Variants in SPACA3 observed in about 807,000 individuals in gnomAD.
The protein encoded by SPACA3 is sperm acrosome associated 3.
Under a neutral mutation model 24.5 loss-of-function variants are expected in SPACA3, and 21 were observed. The observed-to-expected ratio is 0.86, with a 90% CI of 0.61 to 1.24. The LOEUF (loss-of-function observed/expected upper bound fraction) is 1.24, where lower values mean the gene tolerates loss of function less well. Ranked by LOEUF, SPACA3 falls within the 50% of genes most tolerant of loss-of-function variation. The pLI, the probability that SPACA3 is intolerant of heterozygous loss-of-function variation, is 0.00. For missense variants in SPACA3, 278 were observed against 275.5 expected (o/e 1.01, Z -0.06); for synonymous variants, 115 against 106.9 (o/e 1.08, Z -0.47).
chr17:32,992,025 TC>T lies in SPACA3; in HGVS notation c.34+54del, dbSNP rs2091692845. The T allele has an allele frequency of 1.9e-6, 3 of 1,602,214 alleles. No homozygotes were observed. In the East Asian group the frequency reaches 6.7e-5, roughly 36 times the overall value. On this transcript the variant is annotated intron_variant, in intron 1 of 4. Coordinates refer to ENST00000269053, the MANE Select transcript of SPACA3 (RefSeq NM_173847.5). ...GCTGTTAACAGGGGCGCTGGGTTGGTCTGGCCAGAGACCAGGTGGAGAAAAA... is the reference window on the plus strand; with the variant it reads ...GCTGTTAACAGGGGCGCTGGGTTGGTTGGCCAGAGACCAGGTGGAGAAAAA...
chr17:32,993,601 G>A (rs2091704488), intron 1 of SPACA3, among the ~76,000 whole-genome samples: 1 of 152,110 alleles, frequency 6.6e-6, no homozygotes, highest in Non-Finnish European at 1.5e-5. Flanking sequence ...AGTCGAAGGG[G>A]GCCTCCTTGG....
At chr17:32,996,718 G>T in intron 2 of SPACA3, 125 bp from the exon 3 acceptor site, 1 of 1,127,498 alleles carries the variant, frequency 8.9e-7, no homozygotes, top group East Asian at 3.0e-5. Flanking sequence ...GGAGGCACCT[G>T]CCCCAATCAC....
Position 32,997,431 on chromosome 17 carries a change from G to T in SPACA3, c.503-14G>T, listed in dbSNP as rs1598225247. On this transcript the variant is annotated splice_polypyrimidine_tract_variant and intron_variant, in intron 3 of 4. Coordinates refer to ENST00000269053, the MANE Select transcript of SPACA3 (RefSeq NM_173847.5). Reference sequence around the variant, plus strand: ...TCCTGTTCTCTCATTGTGTTTCTCTGCCTATCACCCCAGATTTGTTGAATC... The same window carrying T: ...TCCTGTTCTCTCATTGTGTTTCTCTTCCTATCACCCCAGATTTGTTGAATC... 1 of 1,611,586 alleles carries T rather than the reference G, an allele frequency of 6.2e-7. No homozygotes were observed. The highest frequency in any genetic ancestry group is 8.5e-7 in the Non-Finnish European group (1 of 1,178,570).
chr17:32,997,199 T>G (rs2091727415), intron 3 of SPACA3, among the ~76,000 whole-genome samples, 198 bp downstream of exon 3: 1 of 152,124 alleles, frequency 6.6e-6, no homozygotes, highest in South Asian at 2.1e-4. Flanking sequence ...GATAGGAGAC[T>G]GCCTTAGGGC....
intron 1 of SPACA3, among the ~76,000 whole-genome samples, chr17:32,993,742 A>G (rs535351467): frequency 6.6e-6 from 1 of 152,116 alleles, no homozygotes; most frequent in East Asian, 1.9e-4. Flanking sequence ...GAGACAAGGG[A>G]GTAGCAGTCA....
chr17:32,997,623 G>C, intron 4 of SPACA3, 89 bp from the exon 5 acceptor site: 1 of 1,549,242 alleles, frequency 6.5e-7, no homozygotes, highest in Non-Finnish European at 8.9e-7. Context: ...CTGGTTTAGA[G>C]ACCACACTCT....
At chr17:32,992,044 G>A in intron 1 of SPACA3, 72 bp downstream of exon 1, 1 of 1,560,536 alleles carries the variant, frequency 6.4e-7, no homozygotes, top group Non-Finnish European at 8.7e-7. Flanking sequence ...AGACCAGGTG[G>A]AGAAAAACAA....
intron 2 of SPACA3, among the ~76,000 whole-genome samples, chr17:32,996,359 G>A (rs955566790): frequency 6.6e-6 from 1 of 152,056 alleles, no homozygotes; most frequent in Non-Finnish European, 1.5e-5. Context: ...CATGGTGGCA[G>A]CTACCTATAA....
At chr17:32,995,939 C>G (rs1431590687) in intron 2 of SPACA3, among the ~76,000 whole-genome samples, 1 of 152,174 alleles carries the variant, frequency 6.6e-6, no homozygotes, top group South Asian at 2.1e-4. Context: ...CTTCATTTCC[C>G]CCTGCTGCTA....
Position 32,997,528 on chromosome 17 carries a change from G to A in SPACA3, c.581+5G>A, listed in dbSNP as rs1235454224. On this transcript the variant is annotated splice_donor_5th_base_variant and intron_variant, in intron 4 of 4. Coordinates refer to ENST00000269053, the MANE Select transcript of SPACA3 (RefSeq NM_173847.5). ...GCCTCAGGGTCTGGGTTACTGGTAAGTAACTTGGGCTGGAGCCCCGCAGCG... is the reference window on the plus strand; with the variant it reads ...GCCTCAGGGTCTGGGTTACTGGTAAATAACTTGGGCTGGAGCCCCGCAGCG... The A allele has an allele frequency of 6.2e-7, 1 of 1,613,688 alleles. No homozygotes were observed. Among genetic ancestry groups the A allele is most frequent in the South Asian group, 1.1e-5 (1 of 91,062 alleles).
At chr17:32,995,315 T>G (rs1598223206) in intron 1 of SPACA3, 94 bp from the exon 2 acceptor site, 14 of 1,222,024 alleles carry the variant, frequency 1.1e-5, no homozygotes, top group Admixed American at 4.7e-5. Flanking sequence ...GGTCTCGGGG[T>G]CAGGGTGATG....
rs1438302052 is a variant in SPACA3, at chr17:32,997,703, C to T, written c.582-9C>T. 2 of 1,613,632 alleles carry T rather than the reference C, an allele frequency of 1.2e-6. No homozygotes were observed. The highest frequency in any genetic ancestry group is 2.7e-5 in the African/African-American group (2 of 74,918). ...ATTATCTCTCCTCTTCCCTGTTCTC[C>T]ATCCTCAGGGAGGCCTGGAGGCATC... On this transcript the variant is annotated splice_polypyrimidine_tract_variant and intron_variant, in intron 4 of 4. Coordinates refer to ENST00000269053, the MANE Select transcript of SPACA3 (RefSeq NM_173847.5).
chr17:32,994,326 C>T lies in SPACA3; in HGVS notation c.35-1083C>T, dbSNP rs17807563. 7.8e-3 allele frequency among the ~76,000 whole-genome samples: 1,188 copies of T among 152,226 alleles called. 9 individuals carry two copies. The highest frequency in any genetic ancestry group is 0.037 in the Middle Eastern group (11 of 294). ...AATCATATGAGGCAGGTGTTACTCACGTCCTCATTTTATAGAGGAAGAAAC... is the reference window on the plus strand; with the variant it reads ...AATCATATGAGGCAGGTGTTACTCATGTCCTCATTTTATAGAGGAAGAAAC... On this transcript the variant is annotated intron_variant, in intron 1 of 4. Transcript: ENST00000269053.
chr17:32,995,625 C>G lies in SPACA3; in HGVS notation c.251C>G (p.Ser84Cys). ...TGTCTGCTCAGCTGCCTGCTACCCT[C>G]CAGTGAGGCCAAGCTCTACGGTCGT... ...LVCLLSCLLPSSEAKLYGRCE... is the reference protein window; with the variant it reads ...LVCLLSCLLPCSEAKLYGRCE... The change falls in exon 2 of 5, where the codon TCC becomes TGC. Residue 84 changes from serine to cysteine, a missense_variant. By Grantham distance (112) the Ser-to-Cys change is moderately radical (BLOSUM62 -1). Transcript: ENST00000269053. The G allele has an allele frequency of 6.2e-7, 1 of 1,614,224 alleles. No individual in the cohort carries two copies. The highest frequency in any genetic ancestry group is 1.6e-4 in the Middle Eastern group (1 of 6,062).
At chr17:32,996,315 C>A (rs1202530410) in intron 2 of SPACA3, among the ~76,000 whole-genome samples, 6 of 152,024 alleles carry the variant, frequency 3.9e-5, no homozygotes, top group Admixed American at 2.6e-4. Context: ...ATGGCGAAAC[C>A]CCGTCTCTAC....
chr17:32,992,059 G>A, intron 1 of SPACA3, 87 bp downstream of exon 1: 1 of 1,452,072 alleles, frequency 6.9e-7, no homozygotes, highest in Non-Finnish European at 9.4e-7. Context: ...AAACAAGGTG[G>A]TGGTTAGGGT....
chr17:32,997,002 G>A lies in SPACA3; in HGVS notation c.502+1G>A. 1 of 1,518,744 alleles carries A rather than the reference G, an allele frequency of 6.6e-7. No homozygotes were observed. Among genetic ancestry groups the A allele is most frequent in the Non-Finnish European group, 8.8e-7 (1 of 1,131,730 alleles). 94.1% of individuals were successfully genotyped at this position (1,518,744 alleles called of 1,614,324 possible). A position where few individuals can be genotyped will look rare whatever the true frequency, so the allele number is the denominator to read the frequency against. On this transcript the variant is annotated splice_donor_variant, in intron 3 of 4. Transcript: ENST00000269053. LOFTEE classifies it high-confidence loss of function. ...AACGTGTGCCGGATGTACTGCTCAGGTAGCTGGGCCTGGGCCCAGGGCTGG... is the reference window on the plus strand; with the variant it reads ...AACGTGTGCCGGATGTACTGCTCAGATAGCTGGGCCTGGGCCCAGGGCTGG...
At chr17:32,997,642 T>C in intron 4 of SPACA3, 70 bp from the exon 5 acceptor site, 1 of 1,568,454 alleles carries the variant, frequency 6.4e-7, no homozygotes. Flanking sequence ...CTCCTTCTTG[T>C]TCTTCTCTGG....
Position 32,995,703 on chromosome 17 carries a change from A to T in SPACA3, c.329A>T (p.Tyr110Phe). 1 of 1,613,110 alleles carries T rather than the reference A, an allele frequency of 6.2e-7. No individual in the cohort carries two copies. The highest frequency in any genetic ancestry group is 8.5e-7 in the Non-Finnish European group (1 of 1,179,152). ...HDFGLDGYRG[Y>F]SLADWVCLAY... The stretch of plus-strand genomic sequence containing the variant: ...TTCGGGCTGGACGGATACCGGGGAT[A>T]CAGCCTGGCTGACTGTGAGAACCCC... The change falls in exon 2 of 5, where the codon TAC (tyrosine) becomes TTC (phenylalanine). Residue 110 changes from tyrosine to phenylalanine, a missense_variant. Coordinates refer to ENST00000269053, the MANE Select transcript of SPACA3 (RefSeq NM_173847.5).
Sources: allele counts gnomAD v4.1 joint callset (sites outside exome capture counted in the v4.1 genomes callset), GRCh38; gene constraint gnomAD v4.1.1; transcripts MANE v1.5; gene names NCBI Gene and HGNC (gene_info 2026-07-23, HGNC 2026-07-21).